The following TTLL9 variants were observed in gnomAD, a reference collection of about 807,000 sequenced individuals.
TTLL9 encodes the protein probable tubulin polyglutamylase TTLL9.
In TTLL9, 47 loss-of-function variants were observed where a neutral mutation model predicts 65.6. The observed-to-expected ratio is 0.72, with a 90% confidence interval of 0.57 to 0.91. The LOEUF (loss-of-function observed/expected upper bound fraction) is 0.91, where lower values mean the gene tolerates loss of function less well. Among genes scored for constraint, TTLL9 ranks in the 40% least tolerant of loss-of-function variants. The pLI, the probability that TTLL9 is intolerant of heterozygous loss-of-function variation, is 0.00. For synonymous variants in TTLL9, 179 were observed against 204.8 expected (o/e 0.87, Z 1.07); for missense variants, 537 against 568.8 (o/e 0.94, Z 0.57).
chr20:31,937,424 T>A lies in TTLL9; in HGVS notation c.1033T>A (p.Ser345Thr). ...PWLLEVNASP[S>T]LTASSQEDYE... Reference sequence around the variant, plus strand: ...GCTCCTGGAGGTCAATGCGTCCCCATCACTGACAGCCAGCAGCCAGGAAGA... The same window carrying A: ...GCTCCTGGAGGTCAATGCGTCCCCAACACTGACAGCCAGCAGCCAGGAAGA... The change falls in exon 13 of 15, where the codon TCA (serine) becomes ACA (threonine). Residue 345 changes from serine to threonine, a missense_variant. Ser to Thr is a moderately conservative substitution (Grantham distance 58, BLOSUM62 1). This residue lies in a region of TTLL9 where 205 missense variants were observed against 225.9 expected (regional missense o/e 0.91). Transcript: ENST00000535842. 1 of 1,613,682 alleles carries A rather than the reference T, an allele frequency of 6.2e-7. No homozygotes were observed. Among genetic ancestry groups the A allele is most frequent in the Non-Finnish European group, 8.5e-7 (1 of 1,179,798 alleles).
intron 3 of TTLL9, among the ~76,000 whole-genome samples, chr20:31,891,197 T>G (rs1337057912): frequency 6.6e-6 from 1 of 152,166 alleles, no homozygotes; most frequent in Non-Finnish European, 1.5e-5. Context: ...ATTCCATTGT[T>G]GCCAAAACTT....
chr20:31,913,966 A>G (rs1177051169), intron 6 of TTLL9, among the ~76,000 whole-genome samples: 2 of 152,126 alleles, frequency 1.3e-5, no homozygotes, highest in Admixed American at 1.3e-4. Context: ...GGGGCCTGTC[A>G]GTCTCTCTGT....
At chr20:31,905,107 G>A (rs555651959) in intron 4 of TTLL9, among the ~76,000 whole-genome samples, 29 of 152,216 alleles carry the variant, frequency 1.9e-4, no homozygotes, top group Admixed American at 7.9e-4. Context: ...GTCTCACTCC[G>A]TTGCCCAGGC....
chr20:31,898,658 C>T (rs2063424097), intron 4 of TTLL9, 93 bp downstream of exon 4: 1 of 1,123,000 alleles, frequency 8.9e-7, no homozygotes, highest in Non-Finnish European at 1.3e-6. Context: ...TGGGTGGCCA[C>T]TGGGACTTGT....
chr20:31,906,033 C>CAAAAAAA (rs892374670), intron 4 of TTLL9, among the ~76,000 whole-genome samples: 1 of 47,722 alleles, frequency 2.1e-5, no homozygotes, highest in Admixed American at 2.0e-4. Flanking sequence ...AATTTCATCT[C>CAAAAAAA]AAAAAAAAAA....
chr20:31,920,229 G>GCACA (rs3046855), intron 7 of TTLL9, among the ~76,000 whole-genome samples: 28,661 of 150,416 alleles, frequency 0.19, 2,893 homozygotes, highest in East Asian at 0.31. Context: ...GCAAACACGC[G>GCACA]CACACACACA....
chr20:31,890,031 TTTCC>T lies in TTLL9; in HGVS notation c.113+2804_113+2807del, dbSNP rs1555809802. Among the ~76,000 whole-genome samples the T allele has an allele frequency of 1.9e-4, 22 of 114,584 alleles. No individual in the cohort carries two copies. The East Asian group carries it at 2.0e-3, about 11-fold the overall frequency. 75.2% of individuals were successfully genotyped at this position (114,584 alleles called of 152,430 possible). A position where few individuals can be genotyped will look rare whatever the true frequency, so the allele number is the denominator to read the frequency against. On this transcript the variant is annotated intron_variant, in intron 3 of 14. Transcript: ENST00000535842. ...CTTTCTTTCTTTCTTTCTTTCTTTCTTTCCTTCCTTCCTTCTTTCTTTCTTTCTC... is the reference window on the plus strand; with the variant it reads ...CTTTCTTTCTTTCTTTCTTTCTTTCTTTCCTTCCTTCTTTCTTTCTTTCTC...
intron 6 of TTLL9, among the ~76,000 whole-genome samples, chr20:31,916,212 C>T (rs1023759939): frequency 2.6e-5 from 4 of 152,216 alleles, no homozygotes; most frequent in Non-Finnish European, 5.9e-5. Context: ...GAGAGCCAGG[C>T]AGAAGCTATA....
At chr20:31,871,295 G>C in intron 2 of TTLL9, 100 bp downstream of exon 2, 1 of 1,319,464 alleles carries the variant, frequency 7.6e-7, no homozygotes, top group South Asian at 1.2e-5. Flanking sequence ...AAGGGGTCTG[G>C]AGACCAAGGT....
At chr20:31,941,930 G>A (rs1013199659) in intron 14 of TTLL9, among the ~76,000 whole-genome samples, 1 of 152,198 alleles carries the variant, frequency 6.6e-6, no homozygotes, top group Admixed American at 6.5e-5. Context: ...GGACATCCAG[G>A]TGAAAGGGTC....
intron 14 of TTLL9, chr20:31,940,120 T>A (rs1376508831): frequency 4.6e-5 from 7 of 152,224 alleles, no homozygotes; most frequent in Non-Finnish European, 1.0e-4. Flanking sequence ...GACAGATTCC[T>A]AGAAGCAGAA....
chr20:31,875,537 A>G (rs1462383029), intron 2 of TTLL9, among the ~76,000 whole-genome samples: 1 of 152,124 alleles, frequency 6.6e-6, no homozygotes, highest in Non-Finnish European at 1.5e-5. Flanking sequence ...ACTTCGCCTA[A>G]TGCTCTTCTT....
intron 2 of TTLL9, 54 bp from the exon 3 acceptor site, chr20:31,887,142 A>G (rs2063201898): frequency 6.3e-7 from 1 of 1,584,244 alleles, no homozygotes; most frequent in Non-Finnish European, 8.7e-7. Context: ...TTAACCTGGG[A>G]AAACAGGGCA....
At chr20:31,908,818 G>A (rs966079470) in intron 5 of TTLL9, 116 bp downstream of exon 5, 24 of 839,074 alleles carry the variant, frequency 2.9e-5, no homozygotes, top group Middle Eastern at 2.2e-4. Context: ...ATGCAACGCC[G>A]AGTGGGAAGT....
At chr20:31,881,195 A>G (rs143442127) in intron 2 of TTLL9, among the ~76,000 whole-genome samples, 111 of 152,220 alleles carry the variant, frequency 7.3e-4, no homozygotes, top group Non-Finnish European at 1.1e-3. Flanking sequence ...CCCTCTCACA[A>G]CAAAAAATGA....
At chr20:31,930,399 AT>A (rs2063988909) in intron 10 of TTLL9, among the ~76,000 whole-genome samples, 1 of 151,862 alleles carries the variant, frequency 6.6e-6, no homozygotes, top group African/African-American at 2.4e-5. Flanking sequence ...TCCAATTTTC[AT>A]TTTCCCCCAT....
intron 2 of TTLL9, among the ~76,000 whole-genome samples, chr20:31,878,216 AC>A (rs1387491660): frequency 2.0e-5 from 3 of 152,214 alleles, no homozygotes; most frequent in Admixed American, 2.0e-4. Flanking sequence ...AAAACAAAAA[AC>A]CCTTTTATTT....
chr20:31,932,557 C>T (rs1316811464), intron 10 of TTLL9, among the ~76,000 whole-genome samples: 4 of 151,782 alleles, frequency 2.6e-5, no homozygotes, highest in Non-Finnish European at 5.9e-5. Flanking sequence ...AGGCTGAAAC[C>T]ACCCTACTCT....
chr20:31,919,868 C>T lies in TTLL9; in HGVS notation c.509C>T (p.Ala170Val). The change falls in exon 7 of 15, where the codon GCC (alanine) becomes GTC (valine). Residue 170 changes from alanine (A) to valine (V), a missense_variant. Ala to Val is a moderately conservative substitution (Grantham distance 64, BLOSUM62 0). Coordinates refer to ENST00000535842, the MANE Select transcript of TTLL9 (RefSeq NM_001008409.5). ...TCTGCCCCCATCCCACCCCAGGTAGCCCGGTCTCAAGGGAAAGGCATCTTC... is the reference window on the plus strand; with the variant it reads ...TCTGCCCCCATCCCACCCCAGGTAGTCCGGTCTCAAGGGAAAGGCATCTTC... ...PGITWIMKPV[A>V]RSQGKGIFLF... 3.8e-6 allele frequency: 6 copies of T among 1,589,114 alleles called. No homozygotes were observed. Among genetic ancestry groups the T allele is most frequent in the Non-Finnish European group, 5.1e-6 (6 of 1,168,332 alleles).
Sources: allele counts gnomAD v4.1 joint callset (sites outside exome capture counted in the v4.1 genomes callset), GRCh38; gene constraint gnomAD v4.1.1; regional missense constraint gnomAD v4.1.1; transcripts MANE v1.5; gene names NCBI Gene and HGNC (gene_info 2026-07-23, HGNC 2026-07-21).